GMDS: variants seen among roughly 807,000 people sequenced by gnomAD.
GMDS encodes GDP-mannose 4,6 dehydratase.
In GMDS, 20 loss-of-function variants were observed where a neutral mutation model predicts 49.9. The ratio of observed to expected loss-of-function variants is 0.40; its 90% CI spans 0.28 to 0.58. The LOEUF is 0.58. Among genes scored for constraint, GMDS ranks in the 20% least tolerant of loss-of-function variants. The pLI, the probability that GMDS is intolerant of heterozygous loss-of-function variation, is 0.42. For missense variants in GMDS, 362 were observed against 481.4 expected, an observed-to-expected ratio of 0.75 and a Z score of 2.32; for synonymous variants, 177 against 178.6, an observed-to-expected ratio of 0.99 and a Z score of 0.07.
At chr6:2,017,529 G>A (rs533595525) in intron 4 of GMDS, among the ~76,000 whole-genome samples, 2 of 152,102 alleles carry the variant, frequency 1.3e-5, no homozygotes, top group East Asian at 1.9e-4. Flanking sequence ...GGCTGGTCTC[G>A]TACTCCCTAC....
chr6:2,237,087 C>A (rs1470783792), intron 1 of GMDS, among the ~76,000 whole-genome samples: 2 of 152,164 alleles, frequency 1.3e-5, no homozygotes, highest in Admixed American at 6.5e-5. Flanking sequence ...GAAGTAAATA[C>A]CCTTCAGCCA....
At chr6:1,961,256 C>A (rs1763927453) in intron 4 of GMDS, among the ~76,000 whole-genome samples, 1 of 152,110 alleles carries the variant, frequency 6.6e-6, no homozygotes, top group Non-Finnish European at 1.5e-5. Context: ...ATAGGGCAAA[C>A]CCTATTCCTC....
intron 9 of GMDS, among the ~76,000 whole-genome samples, chr6:1,633,407 A>C (rs1220595287): frequency 6.6e-6 from 1 of 152,194 alleles, no homozygotes; most frequent in Non-Finnish European, 1.5e-5. Flanking sequence ...TTGGAGAAGC[A>C]AACGTGGACA....
chr6:1,917,670 T>C (rs1761472239), intron 7 of GMDS, among the ~76,000 whole-genome samples: 1 of 152,268 alleles, frequency 6.6e-6, no homozygotes, highest in Admixed American at 6.5e-5. Context: ...TCCTCATCTC[T>C]GCCTTTTTCT....
intron 7 of GMDS, among the ~76,000 whole-genome samples, chr6:1,746,539 G>A (rs1455367077): frequency 2.0e-5 from 3 of 152,066 alleles, no homozygotes; most frequent in African/African-American, 4.8e-5. Context: ...GAAGTTCAAG[G>A]GAAATCTGAC....
At chr6:2,023,553 G>T (rs140756784) in intron 4 of GMDS, among the ~76,000 whole-genome samples, 2,167 of 152,278 alleles carry the variant, frequency 0.014, 54 homozygotes, top group African/African-American at 0.05. Flanking sequence ...GCATGTGCAC[G>T]CCAAGAACTA....
chr6:1,989,720 C>A (rs761183126), intron 4 of GMDS, among the ~76,000 whole-genome samples: 1 of 152,194 alleles, frequency 6.6e-6, no homozygotes, highest in Non-Finnish European at 1.5e-5. Flanking sequence ...TACCCCTCGG[C>A]CTGACCCTCA....
At chr6:2,018,615 C>T (rs1358169354) in intron 4 of GMDS, among the ~76,000 whole-genome samples, 2 of 152,094 alleles carry the variant, frequency 1.3e-5, no homozygotes, top group African/African-American at 4.8e-5. Flanking sequence ...TACTAACTGG[C>T]TTTTTCACTT....
At chr6:2,164,760 G>A (rs1355814524) in intron 1 of GMDS, among the ~76,000 whole-genome samples, 1 of 152,170 alleles carries the variant, frequency 6.6e-6, no homozygotes, top group Non-Finnish European at 1.5e-5. Flanking sequence ...TTTCAGCCCT[G>A]CAACTAATAC....
rs1562070592 is a variant in GMDS at position 2,117,494 on chromosome 6, C to A, written c.210G>T (p.Lys70Asn). Residue 70 changes from lysine to asparagine, a missense_variant, in exon 3 of 11, where the codon AAG becomes AAT. Physicochemically the swap from Lys to Asn is moderately conservative, Grantham distance 94. Transcript: ENST00000380815. ...FNTGRIEHLY[K>N]NPQAHIEGNM... ...TTCCTTCAATGTGAGCCTGGGGATT[C>A]TTATACAGATGCTCAATTCGACCCG... The A allele has an allele frequency of 6.2e-7, 1 of 1,603,532 alleles. No individual in the cohort carries two copies. Among genetic ancestry groups the A allele is most frequent in the Non-Finnish European group, 8.5e-7 (1 of 1,170,422 alleles).
At chr6:2,132,554 T>C (rs1775794607) in intron 1 of GMDS, among the ~76,000 whole-genome samples, 1 of 152,176 alleles carries the variant, frequency 6.6e-6, no homozygotes, top group Non-Finnish European at 1.5e-5. Context: ...ATCAAAATGT[T>C]CTTGCTATCA....
At chr6:2,114,263 T>TA (rs1774717656) in intron 4 of GMDS, among the ~76,000 whole-genome samples, 1 of 152,170 alleles carries the variant, frequency 6.6e-6, no homozygotes, top group Admixed American at 6.5e-5. Context: ...GGAAACTGAA[T>TA]AACAGAATGT....
chr6:2,085,445 A>G (rs561974430), intron 4 of GMDS, among the ~76,000 whole-genome samples: 7 of 152,266 alleles, frequency 4.6e-5, no homozygotes, highest in African/African-American at 1.7e-4. Flanking sequence ...TTGTCTGTGC[A>G]CCTTACCTTA....
chr6:1,995,055 A>C (rs772522928), intron 4 of GMDS, among the ~76,000 whole-genome samples: 1 of 152,184 alleles, frequency 6.6e-6, no homozygotes, highest in Non-Finnish European at 1.5e-5. Context: ...CAGTAACCTT[A>C]TACGAAGGCA....
At chr6:1,734,167 C>T (rs1766926058) in intron 8 of GMDS, among the ~76,000 whole-genome samples, 1 of 152,200 alleles carries the variant, frequency 6.6e-6, no homozygotes, top group African/African-American at 2.4e-5. Context: ...TAGCCTCCAT[C>T]CATGCCTAGA....
intron 7 of GMDS, among the ~76,000 whole-genome samples, chr6:1,828,376 AT>A (rs1180691058): frequency 6.6e-6 from 1 of 152,214 alleles, no homozygotes; most frequent in African/African-American, 2.4e-5. Flanking sequence ...CAGAAAGTGT[AT>A]TTGAAGAAGT....
chr6:1,647,541 T>G (rs1159253852), intron 9 of GMDS, among the ~76,000 whole-genome samples: 2 of 152,184 alleles, frequency 1.3e-5, no homozygotes, highest in Non-Finnish European at 2.9e-5. Context: ...GAGTACTCAC[T>G]ACAGGCAAAT....
At chr6:2,172,623 C>T (rs1206446062) in intron 1 of GMDS, among the ~76,000 whole-genome samples, 2 of 151,876 alleles carry the variant, frequency 1.3e-5, no homozygotes, top group African/African-American at 4.8e-5. Flanking sequence ...ACCCGGGAGG[C>T]GGAGGTTGCA....
chr6:1,977,268 T>C (rs928747628), intron 4 of GMDS, among the ~76,000 whole-genome samples: 1 of 152,236 alleles, frequency 6.6e-6, no homozygotes, highest in Non-Finnish European at 1.5e-5. Flanking sequence ...TTATGACAAT[T>C]AACTAAAAAT....
Sources: allele counts gnomAD v4.1 joint callset (sites outside exome capture counted in the v4.1 genomes callset), GRCh38; gene constraint gnomAD v4.1.1; transcripts MANE v1.5; gene names NCBI Gene and HGNC (gene_info 2026-07-23, HGNC 2026-07-21).